Variants in STAG1 observed in about 807,000 individuals in gnomAD.
STAG1 encodes STAG1 cohesin complex component, also known as cohesin subunit SA-1.
STAG1 carries 26 observed loss-of-function variants against 170.9 expected under a neutral mutation model. That is an observed-to-expected ratio of 0.15 (90% CI 0.11 to 0.21). The LOEUF (loss-of-function observed/expected upper bound fraction) is 0.21, where lower values mean the gene tolerates loss of function less well. Among genes scored for constraint, STAG1 ranks in the 10% least tolerant of loss-of-function variants. The pLI is 1.00. For synonymous variants in STAG1, 514 were observed against 497.7 expected, an observed-to-expected ratio of 1.03 and a Z score of -0.44; for missense variants, 964 against 1,509.5, an observed-to-expected ratio of 0.64 and a Z score of 5.99.
intron 5 of STAG1, among the ~76,000 whole-genome samples, chr3:136,562,732 C>T (rs1017462847): frequency 2.6e-5 from 4 of 151,942 alleles, no homozygotes; most frequent in East Asian, 1.9e-4. Context: ...GGATTGCAGG[C>T]GCCTATCACC....
At chr3:136,486,691 C>A (rs991913447) in intron 9 of STAG1, among the ~76,000 whole-genome samples, 7 of 152,128 alleles carry the variant, frequency 4.6e-5, no homozygotes, top group African/African-American at 7.2e-5. Context: ...AGTATGGTAA[C>A]TGCACATATA....
intron 5 of STAG1, among the ~76,000 whole-genome samples, chr3:136,555,601 T>C (rs1320695331): frequency 6.6e-6 from 1 of 152,100 alleles, no homozygotes; most frequent in Non-Finnish European, 1.5e-5. Context: ...TAGAATCCGC[T>C]TGAACCCAGG....
intron 9 of STAG1, among the ~76,000 whole-genome samples, chr3:136,492,835 T>A (rs989288468): frequency 3.3e-5 from 5 of 152,172 alleles, no homozygotes; most frequent in Admixed American, 2.0e-4. Flanking sequence ...TTTCTCCTCT[T>A]AATTTTGTTA....
intron 9 of STAG1, among the ~76,000 whole-genome samples, chr3:136,494,664 A>G (rs966317734): frequency 6.6e-5 from 10 of 152,192 alleles, no homozygotes; most frequent in Non-Finnish European, 1.5e-4. Context: ...TATTAATATA[A>G]TAAAAGAAAA....
At chr3:136,354,955 G>C (rs1216030456) in intron 28 of STAG1, among the ~76,000 whole-genome samples, 2 of 151,988 alleles carry the variant, frequency 1.3e-5, no homozygotes, top group Non-Finnish European at 2.9e-5. Flanking sequence ...CAAAACAGTA[G>C]TCAAAATAAA....
At chr3:136,387,180 T>G (rs2086894094) in intron 22 of STAG1, among the ~76,000 whole-genome samples, 1 of 152,206 alleles carries the variant, frequency 6.6e-6, no homozygotes, top group African/African-American at 2.4e-5. Flanking sequence ...AGTAAATATT[T>G]TAGGCTTTGC....
At chr3:136,671,154 G>T (rs920785144) in intron 1 of STAG1, among the ~76,000 whole-genome samples, 1 of 152,024 alleles carries the variant, frequency 6.6e-6, no homozygotes, top group Non-Finnish European at 1.5e-5. Flanking sequence ...GCATGGTGGC[G>T]CAGCCTGTAA....
At chr3:136,579,958 A>AT (rs749325884) in intron 4 of STAG1, among the ~76,000 whole-genome samples, 1,000 of 73,534 alleles carry the variant, frequency 0.014, 161 homozygotes, top group East Asian at 0.033. Flanking sequence ...TACCATCTGA[A>AT]TTTTTTTTTT....
At chr3:136,598,512 C>G (rs1938527236) in intron 4 of STAG1, among the ~76,000 whole-genome samples, 1 of 151,906 alleles carries the variant, frequency 6.6e-6, no homozygotes, top group Non-Finnish European at 1.5e-5. Context: ...CTGCAAGCTC[C>G]ACCTCCCGGG....
intron 1 of STAG1, among the ~76,000 whole-genome samples, chr3:136,640,007 C>A (rs1362049364): frequency 6.6e-6 from 1 of 152,164 alleles, no homozygotes; most frequent in Non-Finnish European, 1.5e-5. Context: ...CCCCTTTCCA[C>A]ATAATTACTA....
intron 9 of STAG1, among the ~76,000 whole-genome samples, chr3:136,477,628 TG>T (rs2089786803): frequency 6.6e-6 from 1 of 152,164 alleles, no homozygotes; most frequent in East Asian, 1.9e-4. Flanking sequence ...TAAACTATTT[TG>T]ACCCAATTAC....
At chr3:136,699,836 A>G (rs919044479) in intron 1 of STAG1, among the ~76,000 whole-genome samples, 1 of 152,136 alleles carries the variant, frequency 6.6e-6, no homozygotes, top group Non-Finnish European at 1.5e-5. Flanking sequence ...AAAATATACA[A>G]AACGATCACT....
rs1475199825 is a variant in STAG1, at chr3:136,752,200, C to G, written c.-89G>C. 1.3e-5 allele frequency: 2 copies of G among 153,314 alleles called. No homozygotes were observed. The highest frequency in any genetic ancestry group is 2.9e-5 in the Non-Finnish European group (2 of 68,222). The allele number at this position is 153,314 out of a possible 1,614,324, so 9.5% of individuals were successfully genotyped here. A position where few individuals can be genotyped will look rare whatever the true frequency, so the allele number is the denominator to read the frequency against. On this transcript the variant is annotated 5_prime_UTR_variant, in exon 1 of 34. Transcript: ENST00000383202. ...TCGCCGCCGCCCGCACTCACCTCAGCTGCCCATCCGGGCGCCGCCGACCAT... is the reference window on the plus strand; with the variant it reads ...TCGCCGCCGCCCGCACTCACCTCAGGTGCCCATCCGGGCGCCGCCGACCAT...
chr3:136,442,535 G>C (rs893263977), intron 15 of STAG1, among the ~76,000 whole-genome samples: 14 of 152,096 alleles, frequency 9.2e-5, no homozygotes, highest in Admixed American at 5.2e-4. Flanking sequence ...TATTTCTTGA[G>C]TAGCTAGGTA....
intron 23 of STAG1, among the ~76,000 whole-genome samples, chr3:136,370,066 CTA>C (rs1937243807): frequency 2.6e-5 from 2 of 77,174 alleles, no homozygotes; most frequent in East Asian, 3.9e-4. Context: ...CTATACTATA[CTA>C]TACTATACTA....
chr3:136,489,830 G>T (rs867956218), intron 9 of STAG1, among the ~76,000 whole-genome samples: 1 of 152,204 alleles, frequency 6.6e-6, no homozygotes, highest in South Asian at 2.1e-4. Flanking sequence ...TACTACCTTA[G>T]CGAGTGCTGA....
At chr3:136,666,879 T>G (rs1025779051) in intron 1 of STAG1, among the ~76,000 whole-genome samples, 4 of 150,506 alleles carry the variant, frequency 2.7e-5, no homozygotes, top group Non-Finnish European at 5.9e-5. Context: ...GTGTGGCTTG[T>G]GCTCTTAAAT....
chr3:136,733,493 C>T (rs1934159466), intron 1 of STAG1, among the ~76,000 whole-genome samples: 1 of 152,082 alleles, frequency 6.6e-6, no homozygotes, highest in South Asian at 2.1e-4. Context: ...TATTATTATT[C>T]CCATTTTACA....
intron 15 of STAG1, among the ~76,000 whole-genome samples, chr3:136,436,116 C>A (rs112580071): frequency 6.6e-6 from 1 of 151,722 alleles, no homozygotes; most frequent in Non-Finnish European, 1.5e-5. Flanking sequence ...CCACCACACC[C>A]GGCTAATTTT....
Sources: gnomAD v4.1 joint callset for allele counts (sites outside exome capture counted in the v4.1 genomes callset) on GRCh38, gnomAD v4.1.1 for gene constraint, MANE v1.5 for transcripts, NCBI Gene and HGNC (gene_info 2026-07-23, HGNC 2026-07-21) for gene names.